Variants in RAB3C observed in about 807,000 individuals in gnomAD.
The protein encoded by RAB3C is ras-related protein Rab-3C.
A neutral mutation model predicts 26.4 loss-of-function variants in RAB3C; 17 were observed. That is an observed-to-expected ratio of 0.64 (90% confidence interval 0.44 to 0.97). RAB3C has a LOEUF of 0.97. RAB3C is among the 50% of genes least tolerant of loss of function. The probability of loss-of-function intolerance (pLI) is 0.00; values close to 1 mark genes in which losing one functional copy is unlikely to be tolerated. For synonymous variants in RAB3C, 91 were observed against 95.9 expected (o/e 0.95, Z 0.30); for missense variants, 242 against 281.9 (o/e 0.86, Z 1.01).
In RAB3C at chr5:58,765,542, C is replaced by T. The variant is rs576208232; in HGVS notation, c.371+39422C>T. Among the ~76,000 whole-genome samples, 314 of 152,252 alleles carry T rather than the reference C, an allele frequency of 2.1e-3. 1 individual carries two copies. Among genetic ancestry groups the T allele is most frequent in the Non-Finnish European group, 3.4e-3 (231 of 68,034 alleles). On this transcript the variant is annotated intron_variant, in intron 3 of 4. Transcript: ENST00000282878. ...ATTTGCTGTGCAACCTTCCACTCCTCTTTTTATAAGTAAATATATAATCAC... is the reference window on the plus strand; with the variant it reads ...ATTTGCTGTGCAACCTTCCACTCCTTTTTTTATAAGTAAATATATAATCAC...
intron 2 of RAB3C, among the ~76,000 whole-genome samples, chr5:58,677,054 A>G (rs1197750188): frequency 6.6e-6 from 1 of 152,160 alleles, no homozygotes; most frequent in Non-Finnish European, 1.5e-5. Flanking sequence ...CCTCTAGGGA[A>G]GGATCTCTTC....
At position 58,856,114 on chromosome 5, in the gene RAB3C, C is replaced by T. The variant is rs560052815; in HGVS notation, c.*4763C>T. ...ACTTTTTTTTAAGAAGGCAAAATTC[C>T]ATCTATGGTGCTTTCTCAGTGCTAG... On this transcript the variant is annotated 3_prime_UTR_variant, in exon 5 of 5. Coordinates refer to ENST00000282878, the MANE Select transcript of RAB3C (RefSeq NM_138453.4). 1.7e-4 allele frequency: 26 copies of T among 151,968 alleles called. No homozygotes were observed. The highest frequency in any genetic ancestry group is 5.8e-4 in the African/African-American group (24 of 41,462). The allele number at this position is 151,968 out of a possible 1,614,324, so 9.4% of individuals were successfully genotyped here. A position where few individuals can be genotyped will look rare whatever the true frequency, so the allele number is the denominator to read the frequency against.
At chr5:58,795,212 C>A (rs753329300) in intron 3 of RAB3C, among the ~76,000 whole-genome samples, 3 of 152,184 alleles carry the variant, frequency 2.0e-5, no homozygotes, top group Non-Finnish European at 4.4e-5. Flanking sequence ...TGCCTTTTGC[C>A]ATGATTGTGG....
chr5:58,814,803 T>A (rs903313258), intron 3 of RAB3C: 87 of 152,156 alleles, frequency 5.7e-4, no homozygotes, highest in African/African-American at 2.0e-3. Context: ...GTTTAAAAAA[T>A]AGAATTTGAC....
intron 4 of RAB3C, among the ~76,000 whole-genome samples, chr5:58,850,060 C>T (rs747549665): frequency 6.6e-6 from 1 of 152,184 alleles, no homozygotes; most frequent in Non-Finnish European, 1.5e-5. Flanking sequence ...CCTAAATCAA[C>T]GTCCCCTGAA....
intron 3 of RAB3C, among the ~76,000 whole-genome samples, chr5:58,761,020 A>C (rs1485001552): frequency 6.7e-6 from 1 of 149,006 alleles, no homozygotes; most frequent in African/African-American, 2.5e-5. Flanking sequence ...GTTATATATG[A>C]TCACATTCCT....
intron 4 of RAB3C, among the ~76,000 whole-genome samples, chr5:58,836,919 A>G (rs1743761045): frequency 6.6e-6 from 1 of 152,178 alleles, no homozygotes; most frequent in African/African-American, 2.4e-5. Context: ...GTTAGAGCCT[A>G]TGGTAGTTCT....
chr5:58,818,975 C>T (rs895596997), intron 3 of RAB3C, among the ~76,000 whole-genome samples: 19 of 152,128 alleles, frequency 1.2e-4, no homozygotes, highest in African/African-American at 4.3e-4. Context: ...TATAGAACCT[C>T]AGCCTGGAGA....
intron 2 of RAB3C, among the ~76,000 whole-genome samples, chr5:58,636,647 A>C (rs146886652): frequency 8.2e-4 from 125 of 152,328 alleles, no homozygotes; most frequent in African/African-American, 2.9e-3. Context: ...TCCTCTAATT[A>C]GAAAAGAACA....
chr5:58,822,725 T>A (rs1427171992), intron 3 of RAB3C: 3 of 478,244 alleles, frequency 6.3e-6, no homozygotes, highest in Admixed American at 2.6e-5. Flanking sequence ...GATACGGTAG[T>A]CTGCGCAGCA....
intron 3 of RAB3C, among the ~76,000 whole-genome samples, chr5:58,781,895 A>T (rs185872558): frequency 2.6e-4 from 39 of 151,660 alleles, no homozygotes; most frequent in African/African-American, 8.7e-4. Flanking sequence ...CATTTTACTC[A>T]TTTTTCAAGG....
intron 3 of RAB3C, among the ~76,000 whole-genome samples, chr5:58,754,569 A>G (rs936431536): frequency 2.6e-5 from 4 of 152,170 alleles, no homozygotes; most frequent in African/African-American, 9.7e-5. Context: ...CCACTCCCCA[A>G]CACACTGAAA....
chr5:58,669,811 G>A (rs1013289415), intron 2 of RAB3C, among the ~76,000 whole-genome samples: 2 of 152,104 alleles, frequency 1.3e-5, no homozygotes, highest in African/African-American at 4.8e-5. Flanking sequence ...ATGCAGGCAA[G>A]ACCAAGGCTC....
At chr5:58,726,532 C>T (rs1740894711) in intron 3 of RAB3C, among the ~76,000 whole-genome samples, 1 of 151,978 alleles carries the variant, frequency 6.6e-6, no homozygotes. Flanking sequence ...ATACACTCCC[C>T]TCACTGTTGT....
Position 58,617,678 on chromosome 5 carries a change from A to G in RAB3C, c.60A>G (p.Lys20=), listed in dbSNP as rs765535164. 1.2e-6 allele frequency: 2 copies of G among 1,613,798 alleles called. No homozygotes were observed. The highest frequency in any genetic ancestry group is 1.7e-6 in the Non-Finnish European group (2 of 1,179,842). Residue 20 remains lysine, a synonymous_variant, in exon 2 of 5, where the codon AAA becomes AAG. Coordinates refer to ENST00000282878, the MANE Select transcript of RAB3C (RefSeq NM_138453.4). Reference sequence around the variant, plus strand: ...CCCAAGATGCCAGGTACGGCCAGAAAGACTCCTCTGATCAGAACTTTGACT... The same window carrying G: ...CCCAAGATGCCAGGTACGGCCAGAAGGACTCCTCTGATCAGAACTTTGACT... The part of the protein sequence containing the change: ...ASAQDARYGQ[K]DSSDQNFDYM...
At chr5:58,599,730 G>A (rs1746409803) in intron 1 of RAB3C, among the ~76,000 whole-genome samples, 1 of 149,576 alleles carries the variant, frequency 6.7e-6, no homozygotes, top group Non-Finnish European at 1.5e-5. Flanking sequence ...GTTCAGTTTT[G>A]TGTAGATTCT....
intron 2 of RAB3C, among the ~76,000 whole-genome samples, chr5:58,693,479 A>G (rs1368407498): frequency 1.3e-5 from 2 of 151,504 alleles, no homozygotes; most frequent in Non-Finnish European, 2.9e-5. Context: ...ATCTTGTTTA[A>G]TACAAACCAT....
intron 2 of RAB3C, among the ~76,000 whole-genome samples, chr5:58,685,829 A>T (rs159000): frequency 0.54 from 81,310 of 151,958 alleles, 21,937 homozygotes; most frequent in East Asian, 0.56. Context: ...ATAAATAAAA[A>T]CCCAGGCACA....
rs992424656 is a variant in RAB3C, at chr5:58,590,068, A to C, written c.24+6836A>C. The stretch of plus-strand genomic sequence containing the variant: ...TGATTTTAGCTGGGTGGACCTGAGC[A>C]AAGTGAGCAGAGGACCTAGCTGAGA... On this transcript the variant is annotated intron_variant, in intron 1 of 4. Transcript: ENST00000282878. Among the ~76,000 whole-genome samples, 16 of 152,328 alleles carry C rather than the reference A, an allele frequency of 1.1e-4. No individual in the cohort carries two copies. In the East Asian group the frequency reaches 1.5e-3, roughly 15 times the overall value.
Sources: allele counts gnomAD v4.1 joint callset (sites outside exome capture counted in the v4.1 genomes callset), GRCh38; gene constraint gnomAD v4.1.1; transcripts MANE v1.5; gene names NCBI Gene and HGNC (gene_info 2026-07-23, HGNC 2026-07-21).